Variants in CNBD1 observed in about 807,000 individuals in gnomAD.
CNBD1 encodes the protein cyclic nucleotide binding domain containing 1.
In CNBD1, 71 loss-of-function variants were observed where a neutral mutation model predicts 54.4. That is an observed-to-expected ratio of 1.30 (90% CI 1.08 to 1.59). The LOEUF (loss-of-function observed/expected upper bound fraction) is 1.59. CNBD1 is among the 40% of genes most tolerant of loss of function. The probability of loss-of-function intolerance (pLI) is 0.00; values close to 1 mark genes in which losing one functional copy is unlikely to be tolerated. For synonymous variants in CNBD1, 182 were observed against 170.7 expected (o/e 1.07, Z -0.51); for missense variants, 659 against 518.0 (o/e 1.27, Z -2.64).
At chr8:87,339,727 C>A (rs1249065440) in intron 8 of CNBD1, among the ~76,000 whole-genome samples, 1 of 152,022 alleles carries the variant, frequency 6.6e-6, no homozygotes, top group African/African-American at 2.4e-5. Context: ...ACATAAAACA[C>A]CTTATAGTTA....
chr8:87,379,968 T>G (rs995710056), intron 10 of CNBD1, among the ~76,000 whole-genome samples: 1 of 147,998 alleles, frequency 6.8e-6, no homozygotes, highest in Non-Finnish European at 1.5e-5. Context: ...TACCAAGTGG[T>G]AAAATCTAGA....
At chr8:87,349,587 G>T (rs908476084) in intron 8 of CNBD1, among the ~76,000 whole-genome samples, 2 of 152,112 alleles carry the variant, frequency 1.3e-5, no homozygotes, top group Non-Finnish European at 2.9e-5. Context: ...TGTTGGCCAG[G>T]TGTTCTCAAA....
chr8:87,313,193 T>G (rs1809306196), intron 8 of CNBD1, among the ~76,000 whole-genome samples: 1 of 152,062 alleles, frequency 6.6e-6, no homozygotes, highest in African/African-American at 2.4e-5. Context: ...TTTTTGCACA[T>G]ACTACGTTAA....
At chr8:87,179,017 C>G (rs144629661) in intron 4 of CNBD1, among the ~76,000 whole-genome samples, 4,459 of 152,224 alleles carry the variant, frequency 0.029, 242 homozygotes, top group African/African-American at 0.099. Flanking sequence ...AAGCGATTCT[C>G]CTGCCTCAGC....
At chr8:87,340,307 CTCTG>C (rs1291252772) in intron 8 of CNBD1, among the ~76,000 whole-genome samples, 1 of 152,180 alleles carries the variant, frequency 6.6e-6, no homozygotes, top group Non-Finnish European at 1.5e-5. Context: ...TCAAAATTAA[CTCTG>C]TCTTTGACTT....
At chr8:87,119,366 A>AT (rs1299731360) in intron 4 of CNBD1, among the ~76,000 whole-genome samples, 1 of 149,378 alleles carries the variant, frequency 6.7e-6, no homozygotes, top group Non-Finnish European at 1.5e-5. Context: ...AGCTTGCTTG[A>AT]TTTTTTCTTG....
intron 6 of CNBD1, among the ~76,000 whole-genome samples, chr8:87,252,297 T>C (rs1002862705): frequency 2.0e-5 from 3 of 152,190 alleles, no homozygotes; most frequent in Non-Finnish European, 4.4e-5. Context: ...TTGTTGACAA[T>C]TGAATATCAA....
intron 2 of CNBD1, among the ~76,000 whole-genome samples, chr8:87,396,681 C>G (rs1319989574): frequency 6.6e-6 from 1 of 151,424 alleles, no homozygotes; most frequent in African/African-American, 2.4e-5. Context: ...TGATTTGTCC[C>G]TTTTTAATCA....
intron 4 of CNBD1, among the ~76,000 whole-genome samples, chr8:87,074,412 C>T (rs1476768150): frequency 6.6e-6 from 1 of 152,108 alleles, no homozygotes; most frequent in African/African-American, 2.4e-5. Context: ...TGGATTCTTC[C>T]CCATTCCTAG....
At chr8:87,248,654 C>T (rs1807853658) in intron 6 of CNBD1, among the ~76,000 whole-genome samples, 1 of 152,184 alleles carries the variant, frequency 6.6e-6, no homozygotes, top group African/African-American at 2.4e-5. Context: ...TCACCTGTTG[C>T]AGTGAATCTG....
At chr8:87,041,730 C>T (rs991725508) in intron 4 of CNBD1, among the ~76,000 whole-genome samples, 2 of 152,032 alleles carry the variant, frequency 1.3e-5, no homozygotes, top group African/African-American at 4.8e-5. Context: ...ACCTGGGAGG[C>T]GGAGCTTGCA....
At chr8:87,027,234 T>C (rs1022328169) in intron 4 of CNBD1, among the ~76,000 whole-genome samples, 17 of 152,138 alleles carry the variant, frequency 1.1e-4, no homozygotes, top group Admixed American at 1.1e-3. Flanking sequence ...ACCAACATTT[T>C]GGGTAAAACA....
chr8:87,381,171 A>G (rs1383871299), intron 10 of CNBD1, among the ~76,000 whole-genome samples: 4 of 152,168 alleles, frequency 2.6e-5, no homozygotes, highest in East Asian at 1.9e-4. Context: ...TATATAAGAC[A>G]ATATTCCATT....
intron 10 of CNBD1, among the ~76,000 whole-genome samples, chr8:87,381,268 C>G (rs982523098): frequency 4.6e-5 from 7 of 152,016 alleles, no homozygotes; most frequent in Admixed American, 4.6e-4. Context: ...AAATGGCCAG[C>G]ATGTGTATTT....
chr8:87,420,084 A>G (rs1439980919), intron 2 of CNBD1, among the ~76,000 whole-genome samples: 2 of 151,770 alleles, frequency 1.3e-5, no homozygotes, highest in African/African-American at 2.4e-5. Flanking sequence ...AACAATAACA[A>G]AGTGTTAATA....
intron 5 of CNBD1, among the ~76,000 whole-genome samples, chr8:87,233,120 A>G (rs1281262533): frequency 6.6e-6 from 1 of 152,184 alleles, no homozygotes; most frequent in African/African-American, 2.4e-5. Context: ...ATTATATTCA[A>G]TGAATAATTG....
chr8:87,312,608 T>C (rs1348202497), intron 8 of CNBD1, among the ~76,000 whole-genome samples: 2 of 152,072 alleles, frequency 1.3e-5, no homozygotes, highest in East Asian at 3.9e-4. Flanking sequence ...ATTTTAACTT[T>C]TTTGCACTTC....
chr8:87,143,360 TC>T (rs1018282726), intron 4 of CNBD1, among the ~76,000 whole-genome samples: 47 of 150,570 alleles, frequency 3.1e-4, no homozygotes, highest in African/African-American at 1.0e-3. Context: ...CGGCAGATTG[TC>T]TGCTAAGGGC....
At chr8:87,237,298 C>A (rs538269843) in intron 6 of CNBD1, 186 bp downstream of exon 6, 17 of 402,068 alleles carry the variant, frequency 4.2e-5, no homozygotes, top group African/African-American at 1.2e-4. Flanking sequence ...ATAAAGGATG[C>A]CTTCAACAGC....
Sources: allele counts gnomAD v4.1 joint callset (sites outside exome capture counted in the v4.1 genomes callset), GRCh38; gene constraint gnomAD v4.1.1; transcripts MANE v1.5; gene names NCBI Gene and HGNC (gene_info 2026-07-23, HGNC 2026-07-21).